AFF3: variants seen among roughly 807,000 people sequenced by gnomAD.
AFF3 encodes ALF transcription elongation factor 3.
A neutral mutation model predicts 129.7 loss-of-function variants in AFF3; 32 were observed. The observed-to-expected ratio is 0.25, with a 90% CI of 0.19 to 0.33. AFF3 has a LOEUF of 0.33. AFF3 is among the 10% of genes least tolerant of loss of function. The pLI is 1.00. For missense variants in AFF3, 1,373 were observed against 1,592.0 expected (o/e 0.86, Z 2.34); for synonymous variants, 644 against 635.4 (o/e 1.01, Z -0.20).
intron 9 of AFF3, among the ~76,000 whole-genome samples, chr2:99,751,763 T>C (rs140654367): frequency 6.6e-6 from 1 of 152,358 alleles, no homozygotes; most frequent in East Asian, 1.9e-4. Context: ...AATATAGATA[T>C]CTTTTTTTAA....
chr2:99,974,642 T>C lies in AFF3; in HGVS notation c.873+31990A>G, dbSNP rs13426043. Reference sequence around the variant, plus strand: ...TTTTGTCTCTCTGACCAATGGAAAATGGAAATGATTTTTCACTACTGTTCC... The same window carrying C: ...TTTTGTCTCTCTGACCAATGGAAAACGGAAATGATTTTTCACTACTGTTCC... On this transcript the variant is annotated intron_variant, in intron 7 of 24. Coordinates refer to ENST00000672756, the MANE Select transcript of AFF3 (RefSeq NM_001386135.1). Among the ~76,000 whole-genome samples, 737 of 152,282 alleles carry C rather than the reference T, an allele frequency of 4.8e-3. 4 individuals are homozygous for C. Among genetic ancestry groups the C allele is most frequent in the African/African-American group, 0.017 (705 of 41,556 alleles).
In AFF3 at chr2:99,723,553, G is replaced by A. The variant is rs147749346; in HGVS notation, c.1091+3524C>T. Among the ~76,000 whole-genome samples, 676 of 152,094 alleles carry A rather than the reference G, an allele frequency of 4.4e-3. 6 individuals are homozygous for A. The highest frequency in any genetic ancestry group is 0.015 in the African/African-American group (605 of 41,474). On this transcript the variant is annotated intron_variant, in intron 11 of 24. Coordinates refer to ENST00000672756, the MANE Select transcript of AFF3 (RefSeq NM_001386135.1). ...CATGCTTGCTAGCCCTGTTTTCTTC[G>A]CTCTGCTCCACTCCTGCAGCTGCCA...
rs1032622271 is a variant in AFF3 at position 99,593,985 on chromosome 2, C to T, written c.1676G>A (p.Ser559Asn). The change falls in exon 15 of 25, where the codon AGC becomes AAC. Residue 559 changes from serine to asparagine, a missense_variant. By Grantham distance (46) the Ser-to-Asn change is conservative (BLOSUM62 1). Coordinates refer to ENST00000672756, the MANE Select transcript of AFF3 (RefSeq NM_001386135.1). The part of the protein sequence containing the change: ...SPPAAVAVAV[S>N]AAAPPPAVPC... ...CACTGCGGGTGGCGGGGCGGCTGCG[C>T]TCACCGCCACGGCCACGGCCGCGGG... The T allele has an allele frequency of 3.9e-6, 6 of 1,519,816 alleles. No homozygotes were observed. The highest frequency in any genetic ancestry group is 1.4e-5 in the African/African-American group (1 of 71,732). The allele number at this position is 1,519,816 out of a possible 1,614,324, so 94.1% of individuals were successfully genotyped here.
intron 7 of AFF3, among the ~76,000 whole-genome samples, chr2:99,921,604 T>C (rs779803017): frequency 1.3e-5 from 2 of 152,150 alleles, no homozygotes; most frequent in Non-Finnish European, 2.9e-5. Context: ...TCTTTGCAAC[T>C]TCCTATAATT....
Position 99,996,673 on chromosome 2 carries a change from C to A in AFF3, c.873+9959G>T, listed in dbSNP as rs917023241. Among the ~76,000 whole-genome samples the A allele has an allele frequency of 2.0e-5, 3 of 151,994 alleles. No individual in the cohort carries two copies. In the South Asian group the frequency reaches 6.2e-4, roughly 32 times the overall value. ...GGGATTACGGGCGTGAGCCACCGCGCCCAGCCCTTCTTTATGTTCTTAATG... is the reference window on the plus strand; with the variant it reads ...GGGATTACGGGCGTGAGCCACCGCGACCAGCCCTTCTTTATGTTCTTAATG... On this transcript the variant is annotated intron_variant, in intron 7 of 24. Coordinates refer to ENST00000672756, the MANE Select transcript of AFF3 (RefSeq NM_001386135.1).
chr2:100,029,440 A>G (rs1684306713), intron 4 of AFF3, among the ~76,000 whole-genome samples: 4 of 152,156 alleles, frequency 2.6e-5, no homozygotes, highest in Admixed American at 6.5e-5. Flanking sequence ...TGGTGAGAAG[A>G]TAAGTTTCTG....
intron 7 of AFF3, among the ~76,000 whole-genome samples, chr2:99,847,148 C>A (rs1346126165): frequency 1.3e-5 from 2 of 152,002 alleles, no homozygotes; most frequent in African/African-American, 4.8e-5. Context: ...CTACCTACAA[C>A]ACCCTATTTT....
intron 13 of AFF3, among the ~76,000 whole-genome samples, chr2:99,640,206 A>G (rs1167538216): frequency 2.6e-5 from 4 of 152,212 alleles, no homozygotes; most frequent in Non-Finnish European, 5.9e-5. Flanking sequence ...TATAATATCA[A>G]TGTAAAAACA....
intron 8 of AFF3, among the ~76,000 whole-genome samples, chr2:99,827,923 C>T (rs966499014): frequency 6.6e-5 from 10 of 152,090 alleles, no homozygotes; most frequent in Admixed American, 2.0e-4. Flanking sequence ...GGATGGCATC[C>T]ATCTCTCTGG....
chr2:99,603,204 G>A (rs1397081554), intron 13 of AFF3, among the ~76,000 whole-genome samples: 1 of 151,944 alleles, frequency 6.6e-6, no homozygotes, highest in Non-Finnish European at 1.5e-5. Flanking sequence ...TAGAGCTCAG[G>A]GGCTGTAATA....
intron 2 of AFF3, chr2:100,107,198 G>GT: frequency 9.1e-6 from 9 of 985,362 alleles, no homozygotes; most frequent in Non-Finnish European, 1.1e-5. Flanking sequence ...TGCAGATCCT[G>GT]TTTTTTACTA....
intron 13 of AFF3, among the ~76,000 whole-genome samples, chr2:99,648,917 A>ACACACACACACACACACTCTCTCT: frequency 1.7e-3 from 80 of 46,818 alleles, no homozygotes; most frequent in Middle Eastern, 0.011. Context: ...ACACACACAC[A>ACACACACACACACACACTCTCTCT]CTCTCTCTCT....
chr2:100,105,002 C>A, intron 3 of AFF3: 1 of 151,574 alleles, frequency 6.6e-6, no homozygotes, highest in South Asian at 2.0e-4. Flanking sequence ...CCTGCCGCCC[C>A]TCTCTCGTGG....
intron 4 of AFF3, among the ~76,000 whole-genome samples, chr2:100,018,194 C>A (rs1042648420): frequency 6.6e-6 from 1 of 152,144 alleles, no homozygotes; most frequent in South Asian, 2.1e-4. Flanking sequence ...ACAGACTCGC[C>A]CATTTTACCG....
At chr2:100,036,019 T>C (rs1057255355) in intron 4 of AFF3, among the ~76,000 whole-genome samples, 12 of 151,688 alleles carry the variant, frequency 7.9e-5, no homozygotes, top group African/African-American at 2.9e-4. Context: ...CTCTGTCCCT[T>C]GAATCCTTTA....
rs138938393 is a variant in AFF3 at position 99,869,695 on chromosome 2, G to A, written c.874-32171C>T. Among the ~76,000 whole-genome samples the A allele has an allele frequency of 1.5e-4, 23 of 152,262 alleles. No individual in the cohort carries two copies. The East Asian group carries it at 4.4e-3, about 29-fold the overall frequency. ...CCCTGGGGTCCCCCTGGGCACCCCAGCATAAGCAGTGATGTGCTAGACAGC... is the reference window on the plus strand; with the variant it reads ...CCCTGGGGTCCCCCTGGGCACCCCAACATAAGCAGTGATGTGCTAGACAGC... On this transcript the variant is annotated intron_variant, in intron 7 of 24. Coordinates refer to ENST00000672756, the MANE Select transcript of AFF3 (RefSeq NM_001386135.1).
intron 2 of AFF3, among the ~76,000 whole-genome samples, chr2:100,113,127 C>T (rs1366729327): frequency 2.0e-5 from 3 of 152,086 alleles, no homozygotes; most frequent in Non-Finnish European, 4.4e-5. Context: ...GGATACATTC[C>T]CAAACCAGGG....
At chr2:100,017,474 A>G (rs954474494) in intron 4 of AFF3, among the ~76,000 whole-genome samples, 1 of 152,216 alleles carries the variant, frequency 6.6e-6, no homozygotes, top group African/African-American at 2.4e-5. Flanking sequence ...GTTCTACCAG[A>G]GCAGGAATGA....
chr2:99,714,850 T>TA (rs1478947075), intron 11 of AFF3, among the ~76,000 whole-genome samples: 2 of 152,204 alleles, frequency 1.3e-5, no homozygotes, highest in African/African-American at 4.8e-5. Flanking sequence ...ATGAGCTAAT[T>TA]AAAAAATTTT....
Sources: allele counts gnomAD v4.1 joint callset (sites outside exome capture counted in the v4.1 genomes callset), GRCh38; gene constraint gnomAD v4.1.1; transcripts MANE v1.5; gene names NCBI Gene and HGNC (gene_info 2026-07-23, HGNC 2026-07-21).